The following NYAP2 variants were observed in gnomAD, a reference collection of about 807,000 sequenced individuals.
The protein encoded by NYAP2 is neuronal tyrosine-phosphorylated phosphoinositide-3-kinase adaptor 2, also known as neuronal tyrosine-phosphorylated phosphoinositide-3-kinase adapter 2.
In NYAP2, 23 loss-of-function variants were observed where a neutral mutation model predicts 50.4. That is an observed-to-expected ratio of 0.46 (90% CI 0.33 to 0.65). The LOEUF (loss-of-function observed/expected upper bound fraction) is 0.65. Among genes scored for constraint, NYAP2 ranks in the 30% least tolerant of loss-of-function variants. NYAP2 has a pLI of 0.02. For missense variants in NYAP2, 885 were observed against 861.0 expected (o/e 1.03, Z -0.35); for synonymous variants, 394 against 365.2 (o/e 1.08, Z -0.90).
chr2:225,423,570 T>C (rs1343035459), intron 3 of NYAP2, among the ~76,000 whole-genome samples: 1 of 152,150 alleles, frequency 6.6e-6, no homozygotes, highest in East Asian at 1.9e-4. Flanking sequence ...TCAGTGAACA[T>C]GTGGAGGAAT....
chr2:225,657,591 TAAAA>T (rs78616843), downstream of NYAP2, among the ~76,000 whole-genome samples: 4 of 77,170 alleles, frequency 5.2e-5, no homozygotes, highest in East Asian at 3.6e-4. Context: ...AAAACTGCTC[TAAAA>T]AAAAAAAAAA....
In NYAP2 at chr2:225,634,364, C is replaced by G. The variant is rs183703963; in HGVS notation, c.1828+7238C>G. Among the ~76,000 whole-genome samples, 102 of 152,214 alleles carry G rather than the reference C, an allele frequency of 6.7e-4. 1 individual carries two copies. Among genetic ancestry groups the G allele is most frequent in the African/African-American group, 2.3e-3 (94 of 41,538 alleles). ...AACAGTAGACCCCTCACGTGACAAC[C>G]AGTATGAGCTAAAGACTAGGAGGAC... On this transcript the variant is annotated intron_variant, in intron 6 of 6. Transcript: ENST00000636099.
At chr2:225,552,264 T>C (rs372210545) in intron 4 of NYAP2, among the ~76,000 whole-genome samples, 42 of 152,336 alleles carry the variant, frequency 2.8e-4, no homozygotes, top group African/African-American at 9.6e-4. Context: ...CGATACATGA[T>C]ACTTGCCACT....
chr2:225,643,410 T>A (rs1197057616), intron 6 of NYAP2, among the ~76,000 whole-genome samples: 3 of 152,128 alleles, frequency 2.0e-5, no homozygotes. Flanking sequence ...AAGTTACCTT[T>A]TCTTTTTTTC....
intron 5 of NYAP2, among the ~76,000 whole-genome samples, chr2:225,614,766 G>A (rs1692958213): frequency 6.6e-6 from 1 of 152,220 alleles, no homozygotes. Flanking sequence ...TTGGGCAGAA[G>A]CTGAGTGCTA....
intron 6 of NYAP2, among the ~76,000 whole-genome samples, chr2:225,649,818 A>T (rs148314532): frequency 4.6e-5 from 7 of 152,334 alleles, no homozygotes; most frequent in African/African-American, 1.7e-4. Context: ...TAAGTGACTA[A>T]ATTCATTTTA....
chr2:225,424,146 AAATT>A (rs1190832144), intron 3 of NYAP2, among the ~76,000 whole-genome samples: 3 of 152,160 alleles, frequency 2.0e-5, no homozygotes, highest in Non-Finnish European at 4.4e-5. Flanking sequence ...CAACTCTTTC[AAATT>A]AATTAACGTA....
chr2:225,666,515 G>A, the NYAP2 span, among the ~76,000 whole-genome samples: 6 of 152,164 alleles, frequency 3.9e-5, no homozygotes, highest in Admixed American at 6.5e-5. Flanking sequence ...TCAGAAACGC[G>A]AGACAACTCA....
intron 1 of NYAP2, 53 bp from the exon 2 acceptor site, chr2:225,400,508 A>C (rs1272381250): frequency 6.6e-6 from 1 of 152,080 alleles, no homozygotes; most frequent in African/African-American, 2.4e-5. Flanking sequence ...GAAAGGAGAC[A>C]TTTAGAAAGG....
the NYAP2 span, among the ~76,000 whole-genome samples, chr2:225,693,555 C>T: frequency 2.6e-5 from 4 of 151,994 alleles, no homozygotes; most frequent in African/African-American, 4.8e-5. Flanking sequence ...TATTTTTCAC[C>T]GTTCTGGAAA....
At chr2:225,419,855 G>A (rs1444088641) in intron 3 of NYAP2, among the ~76,000 whole-genome samples, 2 of 152,128 alleles carry the variant, frequency 1.3e-5, no homozygotes, top group East Asian at 3.8e-4. Context: ...GGGGAAGATT[G>A]TTTGCTTTGG....
At chr2:225,545,609 C>T (rs1691565327) in intron 4 of NYAP2, among the ~76,000 whole-genome samples, 1 of 152,128 alleles carries the variant, frequency 6.6e-6, no homozygotes, top group African/African-American at 2.4e-5. Context: ...TCTTGAATTT[C>T]TTTGAGTTTC....
At chr2:225,681,389 T>C in the NYAP2 span, among the ~76,000 whole-genome samples, 3 of 152,184 alleles carry the variant, frequency 2.0e-5, no homozygotes, top group Non-Finnish European at 4.4e-5. Context: ...CAGACATAAA[T>C]GCATAAATCC....
intron 4 of NYAP2, among the ~76,000 whole-genome samples, chr2:225,567,013 G>A (rs1008189111): frequency 2.0e-5 from 3 of 152,112 alleles, no homozygotes; most frequent in African/African-American, 4.8e-5. Context: ...AGGCAATTTC[G>A]TTGTCATGGG....
intron 3 of NYAP2, among the ~76,000 whole-genome samples, chr2:225,433,406 T>G (rs1689304503): frequency 6.6e-6 from 1 of 152,086 alleles, no homozygotes; most frequent in East Asian, 1.9e-4. Context: ...TTCACTGAAT[T>G]TCCTCCCTTT....
chr2:225,691,743 A>G, the NYAP2 span, among the ~76,000 whole-genome samples: 1 of 152,054 alleles, frequency 6.6e-6, no homozygotes, highest in Non-Finnish European at 1.5e-5. Context: ...TTCTTGAGTC[A>G]CACACACTGG....
intron 4 of NYAP2, among the ~76,000 whole-genome samples, chr2:225,565,682 A>G (rs886768409): frequency 6.6e-6 from 1 of 152,164 alleles, no homozygotes; most frequent in Non-Finnish European, 1.5e-5. Context: ...AGCCCTTCCT[A>G]TATCCCAGGC....
chr2:225,519,156 C>T (rs1396326359), intron 4 of NYAP2, among the ~76,000 whole-genome samples: 1 of 151,544 alleles, frequency 6.6e-6, no homozygotes, highest in Admixed American at 6.6e-5. Flanking sequence ...GGCAAAATAA[C>T]CTTTTAATAA....
rs552505475 is a variant in NYAP2 at position 225,420,945 on chromosome 2, C to G, written c.221+11844C>G. 3.9e-4 allele frequency among the ~76,000 whole-genome samples: 60 copies of G among 152,118 alleles called. 1 individual carries two copies. Among genetic ancestry groups the G allele is most frequent in the Admixed American group, 6.5e-4 (10 of 15,268 alleles). On this transcript the variant is annotated intron_variant, in intron 3 of 6. Transcript: ENST00000636099. ...ATTTACTTTTTTGAATTTTTTGAGA[C>G]AGAATCTCCCTCTGTTGCCCAGGCT...
Sources: gnomAD v4.1 joint callset for allele counts (sites outside exome capture counted in the v4.1 genomes callset) on GRCh38, gnomAD v4.1.1 for gene constraint, MANE v1.5 for transcripts, NCBI Gene and HGNC (gene_info 2026-07-23, HGNC 2026-07-21) for gene names.